RLF: variants seen among roughly 807,000 people sequenced by gnomAD.
RLF encodes zinc finger protein Rlf.
In RLF, 7 loss-of-function variants were observed where a neutral mutation model predicts 162.9. The ratio of observed to expected loss-of-function variants is 0.04; its 90% CI spans 0.02 to 0.08. RLF has a LOEUF of 0.08. RLF is among the 10% of genes least tolerant of loss of function. RLF has a pLI of 1.00. For missense variants in RLF, 1,664 were observed against 2,244.7 expected (o/e 0.74, Z 5.23); for synonymous variants, 782 against 791.5 (o/e 0.99, Z 0.20).
intron 1 of RLF, among the ~76,000 whole-genome samples, chr1:40,175,768 G>T (rs1479477857): frequency 7.5e-6 from 1 of 132,852 alleles, no homozygotes; most frequent in African/African-American, 2.7e-5. Flanking sequence ...CTGGGTGACA[G>T]AACAAGACTC....
chr1:40,213,836 A>C (rs1427944312), intron 5 of RLF, among the ~76,000 whole-genome samples: 1 of 152,262 alleles, frequency 6.6e-6, no homozygotes, highest in Non-Finnish European at 1.5e-5. Context: ...GGTAATGATA[A>C]AATATTAATG....
chr1:40,239,646 T>A lies in RLF; in HGVS notation c.4944T>A (p.Asp1648Glu). 6.2e-7 allele frequency: 1 copy of A among 1,614,126 alleles called. No homozygotes were observed. The highest frequency in any genetic ancestry group is 8.5e-7 in the Non-Finnish European group (1 of 1,180,018). ...NTDCCHSSER[D>E]GGQKGCIESS... ...ATTGCTGTCATTCAAGTGAAAGGGA[T>A]GGAGGTCAGAAAGGGTGCATAGAAA... The change falls in exon 8 of 8, where the codon GAT (aspartate) becomes GAA (glutamate). Residue 1648 changes from aspartate (D) to glutamate (E), a missense_variant. Physicochemically the swap from Asp to Glu is conservative, Grantham distance 45 (BLOSUM62 2). Coordinates refer to ENST00000372771, the MANE Select transcript of RLF (RefSeq NM_012421.4).
chr1:40,231,531 T>C lies in RLF; in HGVS notation c.962T>C (p.Phe321Ser), dbSNP rs774996001. ...TTTTTTTATAGGGAACTGACTCTTTTTTGGAGTAAACTGCAAAGAAGAATT... is the reference window on the plus strand; with the variant it reads ...TTTTTTTATAGGGAACTGACTCTTTCTTGGAGTAAACTGCAAAGAAGAATT... ...SVYCSWELTL[F>S]WSKLQRRIDP... The change falls in exon 7 of 8, where the codon TTT becomes TCT. Residue 321 changes from phenylalanine (F) to serine (S), a missense_variant. Transcript: ENST00000372771. The C allele has an allele frequency of 1.9e-6, 3 of 1,613,450 alleles. No individual in the cohort carries two copies. Among genetic ancestry groups the C allele is most frequent in the Non-Finnish European group, 2.5e-6 (3 of 1,179,748 alleles).
At chr1:40,188,983 G>A in intron 1 of RLF, 72 bp from the exon 2 acceptor site, 1 of 1,002,438 alleles carries the variant, frequency 1.0e-6, no homozygotes, top group Non-Finnish European at 1.4e-6. Flanking sequence ...AGAGCTATGT[G>A]GTGTGTTTGA....
At chr1:40,207,986 A>T (rs777693343) in intron 5 of RLF, among the ~76,000 whole-genome samples, 5 of 152,196 alleles carry the variant, frequency 3.3e-5, no homozygotes, top group Non-Finnish European at 5.9e-5. Flanking sequence ...GGAATTTGTG[A>T]TTCTGTCCTG....
chr1:40,194,342 G>A (rs1486870030), intron 3 of RLF, among the ~76,000 whole-genome samples: 2 of 152,022 alleles, frequency 1.3e-5, no homozygotes, highest in Non-Finnish European at 2.9e-5. Context: ...CGGCACCAAT[G>A]GCTTTCAAAT....
rs1477109921 is a variant in RLF, at chr1:40,237,340, A to G, written c.2638A>G (p.Ile880Val). 3 of 1,613,880 alleles carry G rather than the reference A, an allele frequency of 1.9e-6. No homozygotes were observed. The East Asian group carries it at 6.7e-5, about 36-fold the overall frequency. ...LFCAESANSQ[I>V]DTETAENLKE... ...CTGTGCAGAATCAGCTAATTCTCAA[A>G]TAGATACAGAAACTGCAGAAAACCT... The change falls in exon 8 of 8, where the codon ATA becomes GTA. Residue 880 changes from isoleucine (I) to valine (V), a missense_variant. This residue lies in a region of RLF where 295 missense variants were observed against 317.4 expected (regional missense o/e 0.93). Transcript: ENST00000372771. This position sits in a 1 kb window ranked among gnomAD's most constrained non-coding sequence, Gnocchi z 4.4.
chr1:40,183,047 G>C (rs944758356), intron 1 of RLF, among the ~76,000 whole-genome samples: 1 of 151,956 alleles, frequency 6.6e-6, no homozygotes, highest in African/African-American at 2.4e-5. Flanking sequence ...AGTCTCTTCA[G>C]CATTTACTCT....
At chr1:40,209,379 T>C (rs1642838325) in intron 5 of RLF, among the ~76,000 whole-genome samples, 1 of 152,174 alleles carries the variant, frequency 6.6e-6, no homozygotes, top group African/African-American at 2.4e-5. Flanking sequence ...TGTGATAATA[T>C]CTAAAGCACT....
intron 4 of RLF, among the ~76,000 whole-genome samples, chr1:40,198,642 A>G (rs979263379): frequency 6.6e-6 from 1 of 152,198 alleles, no homozygotes; most frequent in African/African-American, 2.4e-5. Flanking sequence ...CTGTTTTTAC[A>G]TAATGAAGTA....
intron 2 of RLF, among the ~76,000 whole-genome samples, chr1:40,189,738 G>C (rs1350926569): frequency 6.6e-6 from 1 of 151,968 alleles, no homozygotes; most frequent in Non-Finnish European, 1.5e-5. Context: ...GGAGGTGGAG[G>C]TTGCAGTGAG....
In RLF at chr1:40,224,598, TTTC is replaced by T. The variant is rs1403420398; in HGVS notation, c.947+1889_947+1891del. Among the ~76,000 whole-genome samples the T allele has an allele frequency of 2.1e-5, 3 of 143,970 alleles. 1 individual carries two copies. Among genetic ancestry groups the T allele is most frequent in the East Asian group, 2.0e-4 (1 of 4,962 alleles). 94.4% of individuals were successfully genotyped at this position (143,970 alleles called of 152,430 possible). A position where few individuals can be genotyped will look rare whatever the true frequency, so the allele number is the denominator to read the frequency against. ...CACATCTTTTTTTTTTTTTTTTTTT[TTTC>T]CCCTTCCATTGTTTTTGAAAGCTTT... On this transcript the variant is annotated intron_variant, in intron 6 of 7. Transcript: ENST00000372771.
At position 40,239,841 on chromosome 1, in the gene RLF, C is replaced by A. The variant is rs746506822; in HGVS notation, c.5139C>A (p.Phe1713Leu). The A allele has an allele frequency of 6.2e-7, 1 of 1,613,978 alleles. No homozygotes were observed. The highest frequency in any genetic ancestry group is 8.5e-7 in the Non-Finnish European group (1 of 1,180,004). ...ATGGGACTGAAAGTGGGACTTATTTCACAAGTTTCCAGCTGCCTTTACCAA... is the reference window on the plus strand; with the variant it reads ...ATGGGACTGAAAGTGGGACTTATTTAACAAGTTTCCAGCTGCCTTTACCAA... ...NPNGTESGTYFTSFQLPLPRI... is the reference protein window; with the variant it reads ...NPNGTESGTYLTSFQLPLPRI... Residue 1713 changes from phenylalanine (F) to leucine (L), a missense_variant, in exon 8 of 8, where the codon TTC (phenylalanine) becomes TTA (leucine). By Grantham distance (22) the Phe-to-Leu change is conservative. Around this residue, in one of 15 missense-constraint regions of RLF, gnomAD observed 327 missense variants for 342.7 expected, o/e 0.95. Coordinates refer to ENST00000372771, the MANE Select transcript of RLF (RefSeq NM_012421.4).
intron 1 of RLF, among the ~76,000 whole-genome samples, chr1:40,170,356 A>G (rs1375020600): frequency 6.6e-6 from 1 of 151,822 alleles, no homozygotes; most frequent in African/African-American, 2.4e-5. Context: ...TCAACCTCCC[A>G]GGCTTAGGCA....
At chr1:40,186,106 C>T (rs545610477) in intron 1 of RLF, among the ~76,000 whole-genome samples, 13 of 151,772 alleles carry the variant, frequency 8.6e-5, no homozygotes, top group South Asian at 6.3e-4. Context: ...TGCAGTGAGC[C>T]GAGATTTCAC....
rs747965910 is a variant in RLF at position 40,237,343 on chromosome 1, G to T, written c.2641G>T (p.Asp881Tyr). ...FCAESANSQIDTETAENLKEN... is the reference protein window; with the variant it reads ...FCAESANSQIYTETAENLKEN... Reference sequence around the variant, plus strand: ...TGCAGAATCAGCTAATTCTCAAATAGATACAGAAACTGCAGAAAACCTGAA... The same window carrying T: ...TGCAGAATCAGCTAATTCTCAAATATATACAGAAACTGCAGAAAACCTGAA... Residue 881 changes from aspartate (D) to tyrosine (Y), a missense_variant, in exon 8 of 8, where the codon GAT becomes TAT. Physicochemically the swap from Asp to Tyr is radical, Grantham distance 160. Around this residue, in one of 15 missense-constraint regions of RLF, gnomAD observed 295 missense variants for 317.4 expected, o/e 0.93. Coordinates refer to ENST00000372771, the MANE Select transcript of RLF (RefSeq NM_012421.4). This position sits in a 1 kb window ranked among gnomAD's most constrained non-coding sequence, Gnocchi z 4.4. 1 of 1,613,826 alleles carries T rather than the reference G, an allele frequency of 6.2e-7. No individual in the cohort carries two copies.
chr1:40,163,246 TG>T (rs1274046555), intron 1 of RLF, among the ~76,000 whole-genome samples: 1 of 151,804 alleles, frequency 6.6e-6, no homozygotes, highest in Non-Finnish European at 1.5e-5. Flanking sequence ...AGGTCTGGGG[TG>T]GGGAAAGCAT....
At chr1:40,165,376 T>A (rs1483784004) in intron 1 of RLF, among the ~76,000 whole-genome samples, 3 of 152,342 alleles carry the variant, frequency 2.0e-5, no homozygotes, top group Admixed American at 2.0e-4. Context: ...TGATTTTAAT[T>A]TTCATTTGAC....
chr1:40,215,420 AATAC>A lies in RLF; in HGVS notation c.811-7150_811-7147del, dbSNP rs369333573. 3.2e-4 allele frequency among the ~76,000 whole-genome samples: 48 copies of A among 152,342 alleles called. No homozygotes were observed. In the East Asian group the frequency reaches 5.8e-3, roughly 18 times the overall value. ...ACCTAAATAAATTTTAAAGGATTGA[AATAC>A]ATAAAGTATGTTCTCTAACTACAGT... is the stretch of plus-strand genomic sequence containing the variant. On this transcript the variant is annotated intron_variant, in intron 5 of 7. Coordinates refer to ENST00000372771, the MANE Select transcript of RLF (RefSeq NM_012421.4).
Sources: gnomAD v4.1 joint callset for allele counts (sites outside exome capture counted in the v4.1 genomes callset) on GRCh38, gnomAD v4.1.1 for gene constraint, gnomAD v4.1.1 regional missense constraint, Gnocchi (gnomAD v3.1) non-coding constraint, MANE v1.5 for transcripts, NCBI Gene and HGNC (gene_info 2026-07-23, HGNC 2026-07-21) for gene names.